The following ZC3H12B variants were observed in gnomAD, a reference collection of about 807,000 sequenced individuals.
ZC3H12B encodes probable ribonuclease ZC3H12B.
ZC3H12B carries 7 observed loss-of-function variants against 43.9 expected under a neutral mutation model. That is an observed-to-expected ratio of 0.16 (90% CI 0.09 to 0.30). The LOEUF (loss-of-function observed/expected upper bound fraction) is 0.30, where lower values mean the gene tolerates loss of function less well. Among genes scored for constraint, ZC3H12B ranks in the 10% least tolerant of loss-of-function variants. The pLI, the probability that ZC3H12B is intolerant of heterozygous loss-of-function variation, is 1.00. For missense variants in ZC3H12B, 475 were observed against 670.2 expected, an observed-to-expected ratio of 0.71 and a Z score of 3.22; for synonymous variants, 222 against 241.7, an observed-to-expected ratio of 0.92 and a Z score of 0.76.
At chrX:65,280,146 A>C in the ZC3H12B span, among the ~76,000 whole-genome samples, 1 of 112,046 alleles carries the variant, frequency 8.9e-6, no homozygotes, top group African/African-American at 3.2e-5. Context: ...TACACACAAA[A>C]ATCCTCAAAA....
chrX:65,122,819 C>A, the ZC3H12B span, among the ~76,000 whole-genome samples: 1 of 111,558 alleles, frequency 9.0e-6, no homozygotes, highest in Non-Finnish European at 1.9e-5. Flanking sequence ...GGGATCAATT[C>A]AACAGGAAGA....
chrX:65,056,400 TTGAG>T, the ZC3H12B span, among the ~76,000 whole-genome samples: 1 of 111,842 alleles, frequency 8.9e-6, no homozygotes, highest in East Asian at 2.8e-4. Flanking sequence ...TTGAGCGGTT[TTGAG>T]TGAGTTTCTT....
At chrX:65,212,713 C>G in the ZC3H12B span, among the ~76,000 whole-genome samples, 18 of 87,526 alleles carry the variant, frequency 2.1e-4, no homozygotes, top group South Asian at 4.8e-4. Context: ...ATTTATATAT[C>G]ATATATATAT....
At chrX:65,415,670 T>A (rs1443058510) in intron 3 of ZC3H12B, among the ~76,000 whole-genome samples, 1 of 112,079 alleles carries the variant, frequency 8.9e-6, no homozygotes, top group African/African-American at 3.2e-5. Flanking sequence ...AACAATAGAA[T>A]GCCCTTGGCT....
chrX:65,265,131 A>G, the ZC3H12B span, among the ~76,000 whole-genome samples: 1 of 112,069 alleles, frequency 8.9e-6, no homozygotes, highest in Admixed American at 9.5e-5. Flanking sequence ...TTATGTAGAT[A>G]TGTACATTTT....
chrX:65,287,796 A>T, the ZC3H12B span, among the ~76,000 whole-genome samples: 2 of 110,569 alleles, frequency 1.8e-5, no homozygotes, highest in African/African-American at 6.6e-5. Flanking sequence ...GAAAAGAGAT[A>T]ATAAGTATCA....
chrX:65,452,892 T>C (rs1271265227), intron 3 of ZC3H12B, among the ~76,000 whole-genome samples: 1 of 101,790 alleles, frequency 9.8e-6, no homozygotes, highest in South Asian at 4.1e-4. Flanking sequence ...TGTTCATGGA[T>C]GGGTAAAATC....
chrX:65,264,841 C>T, the ZC3H12B span, among the ~76,000 whole-genome samples: 1 of 111,431 alleles, frequency 9.0e-6, no homozygotes, highest in African/African-American at 3.3e-5. Context: ...GGATCATTGT[C>T]GTGTGTATAA....
the ZC3H12B span, among the ~76,000 whole-genome samples, chrX:65,090,765 T>C: frequency 2.7e-5 from 3 of 111,621 alleles, no homozygotes; most frequent in African/African-American, 9.8e-5. Flanking sequence ...CCTACCTGTA[T>C]CTCATACTGA....
At chrX:65,104,560 A>G in the ZC3H12B span, among the ~76,000 whole-genome samples, 2 of 112,034 alleles carry the variant, frequency 1.8e-5, no homozygotes, top group Non-Finnish European at 3.8e-5. Context: ...TCAAATTTAC[A>G]AGAAAAAAAT....
chrX:65,479,841 C>T (rs751232705), intron 3 of ZC3H12B, among the ~76,000 whole-genome samples: 121 of 112,439 alleles, frequency 1.1e-3, no homozygotes, highest in Non-Finnish European at 1.9e-3. Context: ...AGTGTGGGAG[C>T]GGGCCAGAGC....
In ZC3H12B at chrX:65,497,050, G is replaced by C. The variant is rs766046126; in HGVS notation, c.609-82G>C. 21 of 801,999 alleles carry C rather than the reference G, an allele frequency of 2.6e-5. No individual in the cohort carries two copies. In the East Asian group the frequency reaches 7.1e-4, roughly 27 times the overall value. The allele number at this position is 801,999 out of a possible 1,213,427, so 66.1% of individuals were successfully genotyped here. ...TGTAAATGTCTATTATTAATACCTT[G>C]GTACTAAGAAAAAGCCTGCTTCAGA... On this transcript the variant is annotated intron_variant, in intron 1 of 4. Transcript: ENST00000338957.
chrX:65,427,905 T>C (rs1288356593), intron 3 of ZC3H12B, among the ~76,000 whole-genome samples: 1 of 111,927 alleles, frequency 8.9e-6, no homozygotes, highest in Non-Finnish European at 1.9e-5. Flanking sequence ...GCTGGTAATG[T>C]TTTTCCTCCC....
chrX:65,200,704 G>T, the ZC3H12B span, among the ~76,000 whole-genome samples: 1 of 110,569 alleles, frequency 9.0e-6, no homozygotes, highest in African/African-American at 3.3e-5. Context: ...CCAAAGTGCT[G>T]TGTTTACAGG....
the ZC3H12B span, among the ~76,000 whole-genome samples, chrX:65,215,520 C>T: frequency 9.0e-6 from 1 of 110,650 alleles, no homozygotes; most frequent in Non-Finnish European, 1.9e-5. Flanking sequence ...TCTCAGCCTT[C>T]ATAGAGTTGG....
the ZC3H12B span, among the ~76,000 whole-genome samples, chrX:65,094,538 C>T: frequency 9.0e-6 from 1 of 111,027 alleles, no homozygotes; most frequent in African/African-American, 3.3e-5. Context: ...AATATAGGGC[C>T]TACTAAGTTA....
At chrX:65,366,442 T>C (rs2147972216), upstream of ZC3H12B, among the ~76,000 whole-genome samples, 1 of 112,477 alleles carries the variant, frequency 8.9e-6, no homozygotes, top group South Asian at 3.7e-4. Context: ...CTATGCCACA[T>C]TTATTTTAGT....
intron 4 of ZC3H12B, among the ~76,000 whole-genome samples, chrX:65,501,017 TACAGAAG>T (rs2068359514): frequency 9.0e-6 from 1 of 111,152 alleles, no homozygotes; most frequent in Non-Finnish European, 1.9e-5. Flanking sequence ...GAACTTTGGT[TACAGAAG>T]AGGAAAATGA....
At chrX:65,253,879 A>T in the ZC3H12B span, among the ~76,000 whole-genome samples, 3 of 111,940 alleles carry the variant, frequency 2.7e-5, no homozygotes, top group African/African-American at 9.7e-5. Context: ...CAGGCCCCAG[A>T]TCATTTTGGC....
Sources: allele counts gnomAD v4.1 joint callset (sites outside exome capture counted in the v4.1 genomes callset), GRCh38; gene constraint gnomAD v4.1.1; transcripts MANE v1.5; gene names NCBI Gene and HGNC (gene_info 2026-07-23, HGNC 2026-07-21).